The following EML4 variants were observed in gnomAD, a reference collection of about 807,000 sequenced individuals.
EML4 encodes the protein echinoderm microtubule-associated protein-like 4.
Under a neutral mutation model 129.0 loss-of-function variants are expected in EML4, and 72 were observed. The ratio of observed to expected loss-of-function variants is 0.56; its 90% CI spans 0.46 to 0.68. The LOEUF (loss-of-function observed/expected upper bound fraction) is 0.68. EML4 is among the 30% of genes least tolerant of loss of function. The pLI, the probability that EML4 is intolerant of heterozygous loss-of-function variation, is 0.00. For missense variants in EML4, 1,363 were observed against 1,190.6 expected, an observed-to-expected ratio of 1.14 and a Z score of -2.13; for synonymous variants, 532 against 405.0, an observed-to-expected ratio of 1.31 and a Z score of -3.77.
At chr2:42,225,562 T>A (rs1385083087) in intron 1 of EML4, among the ~76,000 whole-genome samples, 1 of 152,180 alleles carries the variant, frequency 6.6e-6, no homozygotes, top group Non-Finnish European at 1.5e-5. Context: ...TATACTTCCC[T>A]TCAGAATGTA....
chr2:42,315,014 G>A (rs1475719184), intron 17 of EML4, among the ~76,000 whole-genome samples: 2 of 152,250 alleles, frequency 1.3e-5, no homozygotes, highest in Non-Finnish European at 2.9e-5. Context: ...CCCTGTGCAA[G>A]TGTTGGAGGT....
intron 9 of EML4, chr2:42,286,026 T>C (rs1356238085): frequency 7.4e-6 from 4 of 537,300 alleles, no homozygotes; most frequent in East Asian, 3.0e-5. Flanking sequence ...TGAATTAATA[T>C]GTGTAATACT....
intron 1 of EML4, among the ~76,000 whole-genome samples, chr2:42,192,241 T>G (rs945243253): frequency 3.3e-5 from 5 of 149,412 alleles, no homozygotes; most frequent in African/African-American, 1.3e-4. Flanking sequence ...TGTTTTTTTT[T>G]TTGGGGGGGG....
At chr2:42,234,499 C>T (rs1674537419) in intron 1 of EML4, among the ~76,000 whole-genome samples, 1 of 150,594 alleles carries the variant, frequency 6.6e-6, no homozygotes, top group African/African-American at 2.4e-5. Context: ...TCAGACCTGT[C>T]TCACAAACTT....
chr2:42,318,609 T>C (rs780112288), intron 19 of EML4, among the ~76,000 whole-genome samples: 14 of 152,238 alleles, frequency 9.2e-5, no homozygotes, highest in African/African-American at 1.4e-4. Context: ...GTTTGTCTTA[T>C]GGAATAGTAC....
chr2:42,249,135 G>C (rs1033160247), intron 2 of EML4, among the ~76,000 whole-genome samples: 1 of 152,250 alleles, frequency 6.6e-6, no homozygotes, highest in East Asian at 1.9e-4. Flanking sequence ...TGATAAATTA[G>C]TGGTAAGAAA....
chr2:42,185,826 G>A (rs954616529), intron 1 of EML4, among the ~76,000 whole-genome samples: 1 of 152,182 alleles, frequency 6.6e-6, no homozygotes, highest in African/African-American at 2.4e-5. Flanking sequence ...AGGAATATCA[G>A]TGTGGAGTTT....
chr2:42,268,323 A>G (rs920518533), intron 6 of EML4, among the ~76,000 whole-genome samples: 1 of 152,238 alleles, frequency 6.6e-6, no homozygotes, highest in Non-Finnish European at 1.5e-5. Context: ...TTACATGGAA[A>G]TACTATACCT....
chr2:42,278,893 A>C (rs7571347), intron 6 of EML4, among the ~76,000 whole-genome samples: 1 of 151,728 alleles, frequency 6.6e-6, no homozygotes, highest in Non-Finnish European at 1.5e-5. Flanking sequence ...CCAAGATGGC[A>C]CCATTGCACT....
chr2:42,285,708 C>T (rs996203904), intron 9 of EML4, among the ~76,000 whole-genome samples: 20 of 151,846 alleles, frequency 1.3e-4, no homozygotes, highest in African/African-American at 4.4e-4. Context: ...AAGCAATTCA[C>T]CTGCCTCAGC....
intron 3 of EML4, among the ~76,000 whole-genome samples, chr2:42,258,500 A>C (rs78899455): frequency 0.021 from 3,240 of 152,168 alleles, 117 homozygotes; most frequent in African/African-American, 0.073. Context: ...TCCCGTGTTC[A>C]AGAGATTCTC....
chr2:42,325,596 TTATATTTATATATATATA>T (rs752892973), intron 20 of EML4, 42 bp downstream of exon 20: 12,997 of 150,618 alleles, frequency 0.086, 1,183 homozygotes, highest in Non-Finnish European at 0.12. Context: ...TATGCTATGA[TTATATTTATATATATATA>T]TATATATATA....
At chr2:42,195,013 G>A (rs1025828041) in intron 1 of EML4, among the ~76,000 whole-genome samples, 2 of 152,152 alleles carry the variant, frequency 1.3e-5, no homozygotes, top group African/African-American at 4.8e-5. Context: ...CAGGTAATCA[G>A]TATTATATTA....
chr2:42,204,034 C>T (rs1672394404), intron 1 of EML4, among the ~76,000 whole-genome samples: 1 of 152,090 alleles, frequency 6.6e-6, no homozygotes, highest in South Asian at 2.1e-4. Flanking sequence ...ATCCTCCCAC[C>T]TCAGCCCTCC....
chr2:42,229,828 A>T (rs961302166), intron 1 of EML4, among the ~76,000 whole-genome samples: 1 of 152,094 alleles, frequency 6.6e-6, no homozygotes, highest in African/African-American at 2.4e-5. Flanking sequence ...AATAACAAAA[A>T]TATACTTAAT....
intron 6 of EML4, among the ~76,000 whole-genome samples, chr2:42,268,327 T>C (rs1558558910): frequency 1.3e-5 from 2 of 152,198 alleles, no homozygotes; most frequent in South Asian, 2.1e-4. Flanking sequence ...ATGGAAATAC[T>C]ATACCTTTTA....
At chr2:42,274,436 T>C (rs895485633) in intron 6 of EML4, among the ~76,000 whole-genome samples, 6 of 151,974 alleles carry the variant, frequency 3.9e-5, no homozygotes, top group Admixed American at 3.3e-4. Context: ...TTGAAAGGCT[T>C]TTTTTTTCTT....
chr2:42,222,503 GC>G (rs1469379736), intron 1 of EML4, among the ~76,000 whole-genome samples: 2 of 152,110 alleles, frequency 1.3e-5, no homozygotes, highest in Non-Finnish European at 2.9e-5. Flanking sequence ...ATCTGTAGTT[GC>G]TTTTGTGCTG....
chr2:42,175,052 T>TG (rs1216151077), intron 1 of EML4, among the ~76,000 whole-genome samples: 2 of 151,930 alleles, frequency 1.3e-5, no homozygotes, highest in Non-Finnish European at 2.9e-5. Flanking sequence ...CCTGACCTTG[T>TG]GTGATCCACC....
Sources: gnomAD v4.1 joint callset for allele counts (sites outside exome capture counted in the v4.1 genomes callset) on GRCh38, gnomAD v4.1.1 for gene constraint, MANE v1.5 for transcripts, NCBI Gene and HGNC (gene_info 2026-07-23, HGNC 2026-07-21) for gene names.